RIMBP2: variants seen among roughly 807,000 people sequenced by gnomAD.
RIMBP2 encodes RIMS binding protein 2.
A neutral mutation model predicts 118.6 loss-of-function variants in RIMBP2; 48 were observed. That is an observed-to-expected ratio of 0.40 (90% confidence interval 0.32 to 0.51). RIMBP2 has a LOEUF of 0.51. Ranked by LOEUF, RIMBP2 falls within the 20% of genes least tolerant of loss-of-function variation. The probability of loss-of-function intolerance (pLI) is 0.41; values close to 1 mark genes in which losing one functional copy is unlikely to be tolerated. For synonymous variants in RIMBP2, 762 were observed against 742.9 expected (o/e 1.03, Z -0.42); for missense variants, 1,551 against 1,768.3 (o/e 0.88, Z 2.20).
At chr12:130,506,528 G>A (rs2050374101) in intron 4 of RIMBP2, 120 bp downstream of exon 4, 1 of 669,062 alleles carries the variant, frequency 1.5e-6, no homozygotes, top group Non-Finnish European at 1.9e-6. Context: ...ATCTCTGAAT[G>A]TGGATGATGG....
intron 2 of RIMBP2, among the ~76,000 whole-genome samples, chr12:130,627,210 C>T (rs553354918): frequency 2.0e-5 from 3 of 152,212 alleles, no homozygotes; most frequent in Non-Finnish European, 4.4e-5. Context: ...GAGACTCAGA[C>T]TCATTTGCCA....
chr12:130,617,423 C>T lies in RIMBP2; in HGVS notation c.-217+10899G>A, dbSNP rs137989691. ...TCACCAGACTCCATTTTTTTCCTAG[C>T]ACACATTGCCCTGGGGCACCAGCTG... On this transcript the variant is annotated intron_variant, in intron 2 of 22. Transcript: ENST00000690449. The surrounding 1 kb of genome is among the most constrained non-coding windows in gnomAD (Gnocchi z 4.6). 4.8e-3 allele frequency among the ~76,000 whole-genome samples: 734 copies of T among 152,314 alleles called. 9 individuals are homozygous for T. Among genetic ancestry groups the T allele is most frequent in the African/African-American group, 0.017 (693 of 41,582 alleles).
At chr12:130,594,139 C>G (rs932703994) in intron 2 of RIMBP2, among the ~76,000 whole-genome samples, 1 of 152,230 alleles carries the variant, frequency 6.6e-6, no homozygotes, top group Non-Finnish European at 1.5e-5. Flanking sequence ...TTCCTTTCCT[C>G]ACTTCACCAA....
chr12:130,645,200 T>C (rs2062804993), intron 1 of RIMBP2, among the ~76,000 whole-genome samples: 1 of 150,412 alleles, frequency 6.6e-6, no homozygotes, highest in South Asian at 2.1e-4. Context: ...TTCAAGAGAG[T>C]CTCCCGCCTC....
At chr12:130,666,234 G>A (rs370630713) in intron 1 of RIMBP2, among the ~76,000 whole-genome samples, 4 of 152,102 alleles carry the variant, frequency 2.6e-5, no homozygotes, top group African/African-American at 4.8e-5. Flanking sequence ...TTATTTTATC[G>A]GAACTATGCA....
chr12:130,407,343 A>G (rs1032697379), intron 20 of RIMBP2, among the ~76,000 whole-genome samples: 1 of 152,012 alleles, frequency 6.6e-6, no homozygotes, highest in Non-Finnish European at 1.5e-5. Context: ...TTTCCTCTCT[A>G]CTGTTCTATG....
chr12:130,601,858 T>C (rs189909874), intron 2 of RIMBP2, among the ~76,000 whole-genome samples: 8 of 152,300 alleles, frequency 5.3e-5, no homozygotes, highest in East Asian at 1.9e-4. Flanking sequence ...AGTATGCAAA[T>C]AGGTGTGACA....
intron 2 of RIMBP2, among the ~76,000 whole-genome samples, chr12:130,548,373 A>C (rs2139674485): frequency 6.6e-6 from 1 of 152,302 alleles, no homozygotes; most frequent in South Asian, 2.1e-4. Context: ...GGGTAATTTA[A>C]GAGTTTCATG....
chr12:130,606,600 T>G (rs2060203079), intron 2 of RIMBP2, among the ~76,000 whole-genome samples: 1 of 152,134 alleles, frequency 6.6e-6, no homozygotes, highest in Non-Finnish European at 1.5e-5. Context: ...ATAGCAAAAC[T>G]CTTAGTGGCT....
rs1310917126 is a variant in RIMBP2, at chr12:130,691,984, C to T, written c.-352+24238G>A. The stretch of plus-strand genomic sequence containing the variant: ...TCTAAGATGTGGTCTGCGGGTGCTG[C>T]GAGGGGTCTAAGGAAAACTGCCCTG... On this transcript the variant is annotated intron_variant, in intron 1 of 22. Coordinates refer to ENST00000690449, the MANE Select transcript of RIMBP2 (RefSeq NM_001393629.1). 3.9e-5 allele frequency among the ~76,000 whole-genome samples: 6 copies of T among 152,056 alleles called. No homozygotes were observed. The East Asian group carries it at 9.6e-4, about 24-fold the overall frequency.
chr12:130,599,435 T>G (rs542244351), intron 2 of RIMBP2, among the ~76,000 whole-genome samples: 1 of 152,262 alleles, frequency 6.6e-6, no homozygotes, highest in East Asian at 1.9e-4. Context: ...GCCATCCAAT[T>G]AAACTAATGG....
At chr12:130,635,034 GAC>G (rs1182724901) in intron 1 of RIMBP2, among the ~76,000 whole-genome samples, 2 of 152,216 alleles carry the variant, frequency 1.3e-5, no homozygotes, top group Non-Finnish European at 2.9e-5. Flanking sequence ...CTAGCCAGGT[GAC>G]ACAGCCCAGC....
At chr12:130,659,435 G>A (rs997464277) in intron 1 of RIMBP2, among the ~76,000 whole-genome samples, 1 of 144,476 alleles carries the variant, frequency 6.9e-6, no homozygotes, top group African/African-American at 2.5e-5. Flanking sequence ...GCCAGGCGTG[G>A]TGGTGGCGCC....
At chr12:130,612,439 A>G (rs1594037054) in intron 2 of RIMBP2, among the ~76,000 whole-genome samples, 1 of 152,180 alleles carries the variant, frequency 6.6e-6, no homozygotes, top group East Asian at 1.9e-4. Context: ...CTGTGCGCAA[A>G]GCCCAATCCA....
At chr12:130,574,507 T>C (rs2057937183) in intron 2 of RIMBP2, among the ~76,000 whole-genome samples, 1 of 152,178 alleles carries the variant, frequency 6.6e-6, no homozygotes, top group Non-Finnish European at 1.5e-5. Context: ...GTTGCCATCA[T>C]TTTATCTTTT....
intron 14 of RIMBP2, chr12:130,432,164 A>G (rs1435508264): frequency 2.2e-6 from 1 of 451,790 alleles, no homozygotes; most frequent in Non-Finnish European, 4.4e-6. Context: ...AGGGAAGGTG[A>G]TGATTCACTC....
chr12:130,715,391 C>T (rs1237868999), intron 1 of RIMBP2, among the ~76,000 whole-genome samples: 12 of 152,176 alleles, frequency 7.9e-5, no homozygotes, highest in African/African-American at 2.2e-4. Flanking sequence ...AGCCAGCGTG[C>T]GCTCCCCGGG....
chr12:130,554,044 G>A (rs2056098441), intron 2 of RIMBP2, among the ~76,000 whole-genome samples: 1 of 152,108 alleles, frequency 6.6e-6, no homozygotes, highest in Non-Finnish European at 1.5e-5. Context: ...TTCCGAGTTT[G>A]GAGCACAAGG....
chr12:130,444,804 G>A (rs79468467), intron 10 of RIMBP2, among the ~76,000 whole-genome samples: 329 of 152,338 alleles, frequency 2.2e-3, no homozygotes, highest in African/African-American at 7.5e-3. Flanking sequence ...GTGCCTCTGG[G>A]AGACCCTGAG....
Sources: gnomAD v4.1 joint callset for allele counts (sites outside exome capture counted in the v4.1 genomes callset) on GRCh38, gnomAD v4.1.1 for gene constraint, Gnocchi (gnomAD v3.1) non-coding constraint, MANE v1.5 for transcripts, NCBI Gene and HGNC (gene_info 2026-07-23, HGNC 2026-07-21) for gene names.